The following GORAB variants were observed in gnomAD, a reference collection of about 807,000 sequenced individuals.
GORAB encodes RAB6-interacting golgin.
A neutral mutation model predicts 29.9 loss-of-function variants in GORAB; 17 were observed. That is an observed-to-expected ratio of 0.57 (90% CI 0.39 to 0.85). The LOEUF is 0.85. Among genes scored for constraint, GORAB ranks in the 40% least tolerant of loss-of-function variants. GORAB has a pLI of 0.00. For synonymous variants in GORAB, 183 were observed against 157.2 expected (o/e 1.16, Z -1.23); for missense variants, 442 against 437.8 (o/e 1.01, Z -0.09).
In GORAB at chr1:170,539,503, C is replaced by G. The variant is rs1193227420; in HGVS notation, c.355C>G (p.His119Asp). 6 of 1,613,868 alleles carry G rather than the reference C, an allele frequency of 3.7e-6. No homozygotes were observed. In the African/African-American group the frequency reaches 8.0e-5, roughly 22 times the overall value. The stretch of plus-strand genomic sequence containing the variant: ...GGGACTTGAGAATTCCCATGATGGT[C>G]ACAACAATGTTGAGATTCTACCTCC... ...ELGLENSHDGHNNVEILPPKP... is the reference protein window; with the variant it reads ...ELGLENSHDGDNNVEILPPKP... Residue 119 changes from histidine (H) to aspartate (D), a missense_variant, in exon 2 of 5, where the codon CAC becomes GAC. Physicochemically the swap from His to Asp is moderately conservative, Grantham distance 81. Coordinates refer to ENST00000367763, the MANE Select transcript of GORAB (RefSeq NM_152281.3).
rs753550035 is a variant in GORAB, at chr1:170,542,644, CAT to C, written c.521+53_521+54del. On this transcript the variant is annotated intron_variant, in intron 3 of 4. Coordinates refer to ENST00000367763, the MANE Select transcript of GORAB (RefSeq NM_152281.3). ...GTTTGTAACCTGTAACCAGTTGTGT[CAT>C]GTGTTATATTTGTTTTCCCATGTCT... The C allele has an allele frequency of 2.6e-6, 3 of 1,142,472 alleles. No homozygotes were observed. The African/African-American group carries it at 4.6e-5, about 17-fold the overall frequency. The allele number at this position is 1,142,472 out of a possible 1,614,324, so 70.8% of individuals were successfully genotyped here. A position where few individuals can be genotyped will look rare whatever the true frequency, so the allele number is the denominator to read the frequency against.
At chr1:170,540,502 C>T (rs1649348839) in intron 2 of GORAB, among the ~76,000 whole-genome samples, 1 of 151,664 alleles carries the variant, frequency 6.6e-6, no homozygotes, top group Non-Finnish European at 1.5e-5. Flanking sequence ...AGATTCTATC[C>T]TGTGAATTTA....
chr1:170,546,213 A>C (rs894273503), intron 4 of GORAB, among the ~76,000 whole-genome samples: 3 of 152,054 alleles, frequency 2.0e-5, no homozygotes, highest in African/African-American at 7.2e-5. Flanking sequence ...ACACGGTGAA[A>C]CTTCATCTGT....
intron 4 of GORAB, among the ~76,000 whole-genome samples, chr1:170,550,439 G>A (rs759788314): frequency 4.3e-4 from 66 of 152,168 alleles, no homozygotes; most frequent in Non-Finnish European, 8.4e-4. Flanking sequence ...GCATTGAAAA[G>A]AATAGCCTTT....
intron 4 of GORAB, among the ~76,000 whole-genome samples, chr1:170,546,985 A>T (rs183633747): frequency 1.2e-4 from 18 of 152,226 alleles, no homozygotes; most frequent in African/African-American, 4.3e-4. Flanking sequence ...ACGCCTGGCC[A>T]TGTGCTGCTA....
At chr1:170,551,429 A>G (rs528124282) in intron 4 of GORAB, among the ~76,000 whole-genome samples, 2 of 152,214 alleles carry the variant, frequency 1.3e-5, no homozygotes, top group South Asian at 2.1e-4. Context: ...TCATCTCCCG[A>G]CCACTGTCCG....
At chr1:170,551,964 ATCT>A (rs1558012166) in intron 4 of GORAB, 48 bp from the exon 5 acceptor site, 1 of 1,497,040 alleles carries the variant, frequency 6.7e-7, no homozygotes, top group East Asian at 2.3e-5. Context: ...TCTTTTGAAT[ATCT>A]TCTTCAATGG....
At chr1:170,546,868 A>G (rs188945257) in intron 4 of GORAB, among the ~76,000 whole-genome samples, 1 of 152,194 alleles carries the variant, frequency 6.6e-6, no homozygotes, top group Admixed American at 6.5e-5. Context: ...TATTTTTAAT[A>G]GAGATGGGGT....
In GORAB at chr1:170,553,232, T is replaced by A. The variant is rs1650237719; in HGVS notation, c.*770T>A. 2.3e-6 allele frequency: 1 copy of A among 441,744 alleles called. No individual in the cohort carries two copies. The allele number at this position is 441,744 out of a possible 1,614,324, so 27.4% of individuals were successfully genotyped here. A position where few individuals can be genotyped will look rare whatever the true frequency, so the allele number is the denominator to read the frequency against. ...AAAATAATATAGAAAATCTCATTGC[T>A]ACTTGTGATTATCAAAAAAAGTATG... On this transcript the variant is annotated 3_prime_UTR_variant, in exon 5 of 5. Transcript: ENST00000367763.
At chr1:170,541,226 A>AAAG (rs1553242489) in intron 2 of GORAB, among the ~76,000 whole-genome samples, 1 of 150,160 alleles carries the variant, frequency 6.7e-6, no homozygotes, top group Non-Finnish European at 1.5e-5. Context: ...AAAAAAAAAA[A>AAAG]GCAGAACTGA....
chr1:170,535,618 A>G (rs1350307296), intron 1 of GORAB, among the ~76,000 whole-genome samples: 3 of 152,152 alleles, frequency 2.0e-5, no homozygotes, highest in African/African-American at 4.8e-5. Flanking sequence ...ATAGTTCACT[A>G]TAACCTTGAA....
In GORAB at chr1:170,532,283, A is replaced by G. The variant is rs1177529423; in HGVS notation, c.60A>G (p.Lys20=). 1 of 1,613,990 alleles carries G rather than the reference A, an allele frequency of 6.2e-7. No individual in the cohort carries two copies. Among genetic ancestry groups the G allele is most frequent in the Non-Finnish European group, 8.5e-7 (1 of 1,179,974 alleles). The change falls in exon 1 of 5, where the codon AAA becomes AAG. Residue 20 remains lysine, a splice_region_variant and synonymous_variant. Transcript: ENST00000367763. The part of the protein sequence containing the change: ...EEELRRLKQT[K]DPFEPQRRLP... Reference sequence around the variant, plus strand: ...AACTGAGGAGACTAAAGCAGACTAAAGGTTACAAGATGGGTTTACAGTGGT... The same window carrying G: ...AACTGAGGAGACTAAAGCAGACTAAGGGTTACAAGATGGGTTTACAGTGGT...
At chr1:170,537,577 T>A (rs564342172) in intron 1 of GORAB, among the ~76,000 whole-genome samples, 3 of 152,200 alleles carry the variant, frequency 2.0e-5, no homozygotes, top group Non-Finnish European at 4.4e-5. Flanking sequence ...AAAATCAAGA[T>A]ATTTTACATA....
chr1:170,541,226 A>AG (rs1553242490), intron 2 of GORAB, among the ~76,000 whole-genome samples: 22 of 150,154 alleles, frequency 1.5e-4, no homozygotes, highest in Non-Finnish European at 3.1e-4. Flanking sequence ...AAAAAAAAAA[A>AG]GCAGAACTGA....
At chr1:170,548,371 C>T (rs1649889468) in intron 4 of GORAB, among the ~76,000 whole-genome samples, 1 of 152,254 alleles carries the variant, frequency 6.6e-6, no homozygotes, top group African/African-American at 2.4e-5. Flanking sequence ...ATCTTAATCA[C>T]ATCTTTTTCC....
intron 4 of GORAB, among the ~76,000 whole-genome samples, chr1:170,551,606 A>G (rs1375366163): frequency 6.6e-6 from 1 of 152,148 alleles, no homozygotes; most frequent in African/African-American, 2.4e-5. Flanking sequence ...CCAGTTCTGC[A>G]TTCAGTAATA....
intron 2 of GORAB, among the ~76,000 whole-genome samples, chr1:170,541,992 G>T (rs1269598974): frequency 3.9e-5 from 6 of 152,018 alleles, no homozygotes; most frequent in Non-Finnish European, 1.5e-5. Flanking sequence ...TTAAGAGTTG[G>T]GAAAAAGTGA....
At chr1:170,547,914 C>T (rs939771885) in intron 4 of GORAB, among the ~76,000 whole-genome samples, 1 of 152,114 alleles carries the variant, frequency 6.6e-6, no homozygotes, top group Non-Finnish European at 1.5e-5. Flanking sequence ...CTGACTGATT[C>T]TTAAGTTTGA....
intron 3 of GORAB, among the ~76,000 whole-genome samples, chr1:170,543,017 G>C (rs1304942184): frequency 1.3e-5 from 2 of 152,108 alleles, no homozygotes; most frequent in Non-Finnish European, 2.9e-5. Context: ...AATCTTAATT[G>C]GATTTCCTAT....
Sources: allele counts gnomAD v4.1 joint callset (sites outside exome capture counted in the v4.1 genomes callset), GRCh38; gene constraint gnomAD v4.1.1; transcripts MANE v1.5; gene names NCBI Gene and HGNC (gene_info 2026-07-23, HGNC 2026-07-21).